The following GRAMD1B variants were observed in gnomAD, a reference collection of about 807,000 sequenced individuals.
GRAMD1B encodes GRAM domain containing 1B.
Under a neutral mutation model 99.7 loss-of-function variants are expected in GRAMD1B, and 37 were observed. The observed-to-expected ratio is 0.37, with a 90% CI of 0.29 to 0.49. The LOEUF (loss-of-function observed/expected upper bound fraction) is 0.49, where lower values mean the gene tolerates loss of function less well. GRAMD1B is among the 20% of genes least tolerant of loss of function. The probability of loss-of-function intolerance (pLI) is 0.98; values close to 1 mark genes in which losing one functional copy is unlikely to be tolerated. For missense variants in GRAMD1B, 888 were observed against 1,009.2 expected (o/e 0.88, Z 1.63); for synonymous variants, 427 against 387.6 (o/e 1.10, Z -1.19).
rs1291277677 is a variant in GRAMD1B, at chr11:123,522,734, C to G, written c.452+41841C>G. On this transcript the variant is annotated intron_variant, in intron 2 of 19. Coordinates refer to ENST00000635736, the MANE Select transcript of GRAMD1B (RefSeq NM_001387025.1). Reference sequence around the variant, plus strand: ...TTCGAGGCAGATGATGATCGCTCAACCCACTGGGCTCTCCTGTTCTTCCTT... The same window carrying G: ...TTCGAGGCAGATGATGATCGCTCAAGCCACTGGGCTCTCCTGTTCTTCCTT... Among the ~76,000 whole-genome samples, 5 of 152,312 alleles carry G rather than the reference C, an allele frequency of 3.3e-5. No homozygotes were observed. The East Asian group carries it at 7.7e-4, about 24-fold the overall frequency.
chr11:123,541,577 CTTGT>C (rs1423124133), intron 2 of GRAMD1B, among the ~76,000 whole-genome samples: 6 of 144,574 alleles, frequency 4.2e-5, no homozygotes, highest in Admixed American at 2.1e-4. Context: ...TTCTTGTTGA[CTTGT>C]TTGTCTTTTT....
At chr11:123,434,047 C>T (rs188377059) in intron 1 of GRAMD1B, among the ~76,000 whole-genome samples, 24 of 151,752 alleles carry the variant, frequency 1.6e-4, no homozygotes, top group Non-Finnish European at 3.2e-4. Context: ...TTGGGCAACA[C>T]GGAGAAACAC....
chr11:123,594,486 C>T (rs531885938), intron 5 of GRAMD1B, among the ~76,000 whole-genome samples: 2 of 152,334 alleles, frequency 1.3e-5, no homozygotes, highest in African/African-American at 4.8e-5. Flanking sequence ...CCTCTTGCTT[C>T]CTTGGCCCAC....
At chr11:123,467,530 T>C (rs1355077839) in intron 1 of GRAMD1B, among the ~76,000 whole-genome samples, 1 of 151,470 alleles carries the variant, frequency 6.6e-6, no homozygotes, top group East Asian at 2.0e-4. Flanking sequence ...TAACTGAGAA[T>C]TGGACCACAA....
At chr11:123,441,057 C>T (rs1186160772) in intron 1 of GRAMD1B, among the ~76,000 whole-genome samples, 1 of 152,190 alleles carries the variant, frequency 6.6e-6, no homozygotes. Flanking sequence ...CCACGTGGAA[C>T]TGTAAGTCCA....
intron 4 of GRAMD1B, among the ~76,000 whole-genome samples, chr11:123,585,596 C>G (rs1359288127): frequency 6.6e-6 from 1 of 152,138 alleles, no homozygotes; most frequent in African/African-American, 2.4e-5. Context: ...ACCCCCTTAC[C>G]TTCTAGGAGG....
chr11:123,471,959 A>C (rs1321913983), intron 1 of GRAMD1B, among the ~76,000 whole-genome samples: 1 of 152,208 alleles, frequency 6.6e-6, no homozygotes, highest in East Asian at 1.9e-4. Flanking sequence ...TCTTGCAATA[A>C]AATGGCCATC....
intron 2 of GRAMD1B, among the ~76,000 whole-genome samples, chr11:123,498,302 A>G (rs541681945): frequency 6.6e-6 from 1 of 152,264 alleles, no homozygotes; most frequent in African/African-American, 2.4e-5. Flanking sequence ...CTCAAACTGA[A>G]GGAGCCTTTT....
intron 1 of GRAMD1B, among the ~76,000 whole-genome samples, chr11:123,400,246 G>A (rs905847293): frequency 6.6e-6 from 1 of 152,132 alleles, no homozygotes; most frequent in Non-Finnish European, 1.5e-5. Context: ...GGAGGCCGAG[G>A]CAGGCAGATC....
intron 11 of GRAMD1B, 76 bp downstream of exon 11, chr11:123,606,874 T>A: frequency 8.8e-7 from 1 of 1,137,948 alleles, no homozygotes; most frequent in Non-Finnish European, 1.3e-6. Context: ...ATGTGGGGAC[T>A]GTAGTTAGTC....
chr11:123,601,188 G>A (rs1424268705), intron 8 of GRAMD1B, among the ~76,000 whole-genome samples: 3 of 152,172 alleles, frequency 2.0e-5, no homozygotes, highest in South Asian at 2.1e-4. Flanking sequence ...ACCCTGATGG[G>A]TCCCTCCCCA....
intron 2 of GRAMD1B, among the ~76,000 whole-genome samples, chr11:123,527,367 G>T (rs1040543080): frequency 1.3e-5 from 2 of 152,166 alleles, no homozygotes; most frequent in African/African-American, 4.8e-5. Flanking sequence ...TAGGGAACAG[G>T]GCCCTTTAGT....
At position 123,461,374 on chromosome 11, in the gene GRAMD1B, C is replaced by T. The variant is rs149068595; in HGVS notation, c.375-19442C>T. On this transcript the variant is annotated intron_variant, in intron 1 of 19. Transcript: ENST00000635736. ...CATTTCTGTCTGCAGCTGGCCGAGC[C>T]CTTGTGATTCCTGTCCTTGTGGCTA... 8.0e-3 allele frequency among the ~76,000 whole-genome samples: 1,216 copies of T among 152,292 alleles called. 11 individuals carry two copies. The highest frequency in any genetic ancestry group is 0.013 in the Non-Finnish European group (863 of 68,038).
At position 123,510,162 on chromosome 11, in the gene GRAMD1B, A is replaced by T. The variant is rs1591758051; in HGVS notation, c.452+29269A>T. 6.6e-6 allele frequency: 1 copy of T among 152,448 alleles called. No individual in the cohort carries two copies. Among genetic ancestry groups the T allele is most frequent in the African/African-American group, 2.4e-5 (1 of 41,328 alleles). The allele number at this position is 152,448 out of a possible 1,614,324, so 9.4% of individuals were successfully genotyped here. ...TTTCTGCTTCCAGCTGAGTGCCTGC[A>T]CCTTCTTGAGGTTCTCACACCCGCC... On this transcript the variant is annotated intron_variant, in intron 2 of 19. Coordinates refer to ENST00000635736, the MANE Select transcript of GRAMD1B (RefSeq NM_001387025.1). The surrounding 1 kb of genome is among the most constrained non-coding windows in gnomAD (Gnocchi z 4.3).
At chr11:123,583,220 G>T (rs991082626) in intron 3 of GRAMD1B, among the ~76,000 whole-genome samples, 4 of 151,392 alleles carry the variant, frequency 2.6e-5, no homozygotes, top group Non-Finnish European at 4.4e-5. Context: ...TCGTGCGTGT[G>T]TGGTGTGTAT....
intron 2 of GRAMD1B, among the ~76,000 whole-genome samples, chr11:123,525,331 C>T (rs1191683246): frequency 1.3e-5 from 2 of 152,178 alleles, no homozygotes; most frequent in Non-Finnish European, 2.9e-5. Flanking sequence ...TGGTCTTGTG[C>T]GCCTAGATGT....
At chr11:123,362,622 G>A (rs943232149) in intron 1 of GRAMD1B, among the ~76,000 whole-genome samples, 4 of 152,180 alleles carry the variant, frequency 2.6e-5, no homozygotes, top group South Asian at 2.1e-4. Context: ...GAGTTGCTGA[G>A]CTCAATGGAT....
At chr11:123,433,901 G>A (rs538424262) in intron 1 of GRAMD1B, among the ~76,000 whole-genome samples, 19 of 152,066 alleles carry the variant, frequency 1.2e-4, no homozygotes, top group African/African-American at 4.6e-4. Context: ...TGTAGTTCAG[G>A]CAGTTATTTT....
At chr11:123,552,273 C>CTTTCT (rs752491247) in intron 2 of GRAMD1B, among the ~76,000 whole-genome samples, 1 of 119,368 alleles carries the variant, frequency 8.4e-6, no homozygotes, top group African/African-American at 3.2e-5. Flanking sequence ...CTCTTTCTTT[C>CTTTCT]TTTTTTTTTT....
Sources: allele counts gnomAD v4.1 joint callset (sites outside exome capture counted in the v4.1 genomes callset), GRCh38; gene constraint gnomAD v4.1.1; non-coding constraint Gnocchi (gnomAD v3.1); transcripts MANE v1.5; gene names NCBI Gene and HGNC (gene_info 2026-07-23, HGNC 2026-07-21).